Variants in PCDH15 observed in about 807,000 individuals in gnomAD.
PCDH15 encodes the protein protocadherin-15.
In PCDH15, 129 loss-of-function variants were observed where a neutral mutation model predicts 178.5. That is an observed-to-expected ratio of 0.72 (90% CI 0.63 to 0.84). PCDH15 has a LOEUF of 0.84. Among genes scored for constraint, PCDH15 ranks in the 40% least tolerant of loss-of-function variants. The pLI is 0.00. For missense variants in PCDH15, 2,230 were observed against 2,099.9 expected, an observed-to-expected ratio of 1.06 and a Z score of -1.21; for synonymous variants, 800 against 732.0, an observed-to-expected ratio of 1.09 and a Z score of -1.50.
intron 37 of PCDH15, chr10:53,808,253 TTAAAGATA>T (rs2075728951): frequency 3.9e-6 from 1 of 256,744 alleles, no homozygotes; most frequent in Non-Finnish European, 6.1e-6. Flanking sequence ...TAGACGACTG[TTAAAGATA>T]TAATTTGTTG....
At position 54,016,327 on chromosome 10, in the gene PCDH15, A is replaced by G. The variant is rs1297229950; in HGVS notation, c.2751+3865T>C. Among the ~76,000 whole-genome samples the G allele has an allele frequency of 2.6e-5, 4 of 151,930 alleles. No individual in the cohort carries two copies. In the East Asian group the frequency reaches 7.7e-4, roughly 29 times the overall value. On this transcript the variant is annotated intron_variant, in intron 20 of 37. Coordinates refer to ENST00000644397, the MANE Select transcript of PCDH15 (RefSeq NM_001384140.1). ...AACAAAGCAGTTTGGTGATTTCTCA[A>G]GGACCTCAAAGCAAAATGACCATTT...
In PCDH15 at chr10:54,240,728, T is replaced by C. The variant is rs552296668; in HGVS notation, c.877-3797A>G. Among the ~76,000 whole-genome samples, 1,209 of 139,834 alleles carry C rather than the reference T, an allele frequency of 8.6e-3. 9 individuals are homozygous for C. Among genetic ancestry groups the C allele is most frequent in the African/African-American group, 0.028 (1,051 of 37,838 alleles). The allele number at this position is 139,834 out of a possible 152,430, so 91.7% of individuals were successfully genotyped here. On this transcript the variant is annotated intron_variant, in intron 8 of 37. Transcript: ENST00000644397. The stretch of plus-strand genomic sequence containing the variant: ...CTCACTGCAAGCTCCGCCTCCCGGG[T>C]TCACGCCATTCTCCTGCCTCAGCCT...
At chr10:55,128,364 T>C (rs924099155) in intron 2 of PCDH15, among the ~76,000 whole-genome samples, 1 of 151,888 alleles carries the variant, frequency 6.6e-6, no homozygotes, top group African/African-American at 2.4e-5. Context: ...TAAAAGCCTG[T>C]TTGTTTTCTA....
At chr10:55,295,619 G>A (rs952470007) in intron 1 of PCDH15, among the ~76,000 whole-genome samples, 1 of 152,124 alleles carries the variant, frequency 6.6e-6, no homozygotes, top group Non-Finnish European at 1.5e-5. Context: ...CTCACTTTGT[G>A]GGACTAGCAG....
intron 1 of PCDH15, among the ~76,000 whole-genome samples, chr10:54,771,019 C>T (rs1949028692): frequency 6.6e-6 from 1 of 152,050 alleles, no homozygotes; most frequent in Non-Finnish European, 1.5e-5. Context: ...TTTCAAATTA[C>T]ATCTGTTCTT....
chr10:55,295,513 T>C (rs1292480216), intron 1 of PCDH15, among the ~76,000 whole-genome samples: 1 of 152,212 alleles, frequency 6.6e-6, no homozygotes, highest in Non-Finnish European at 1.5e-5. Context: ...AAACTTCCCG[T>C]GCTCTCGCCT....
At chr10:55,019,464 AT>A (rs1840270760) in intron 2 of PCDH15, among the ~76,000 whole-genome samples, 1 of 150,796 alleles carries the variant, frequency 6.6e-6, no homozygotes, top group African/African-American at 2.4e-5. Context: ...TTTTCCTTAG[AT>A]TTTTTTCAAG....
intron 1 of PCDH15, among the ~76,000 whole-genome samples, chr10:55,210,181 A>T (rs2132169231): frequency 6.6e-6 from 1 of 152,144 alleles, no homozygotes; most frequent in African/African-American, 2.4e-5. Flanking sequence ...TGTAATTACT[A>T]ATCCAATTAA....
chr10:54,859,842 A>G (rs1953809091), intron 3 of PCDH15, among the ~76,000 whole-genome samples: 1 of 151,850 alleles, frequency 6.6e-6, no homozygotes, highest in Non-Finnish European at 1.5e-5. Flanking sequence ...TCGTAGTGCT[A>G]CTTGTATATC....
chr10:54,508,017 T>C (rs2081314603), intron 3 of PCDH15, among the ~76,000 whole-genome samples: 1 of 152,010 alleles, frequency 6.6e-6, no homozygotes, highest in Admixed American at 6.6e-5. Context: ...GAACATTACT[T>C]CCTCTAACCT....
intron 2 of PCDH15, among the ~76,000 whole-genome samples, chr10:55,603,301 C>A (rs1843130376): frequency 1.3e-5 from 2 of 150,184 alleles, no homozygotes; most frequent in Non-Finnish European, 3.0e-5. Context: ...GAGAATGGAA[C>A]CAAGTTGGAA....
chr10:54,285,511 T>C (rs539313118), intron 8 of PCDH15, among the ~76,000 whole-genome samples: 3 of 152,124 alleles, frequency 2.0e-5, no homozygotes, highest in Non-Finnish European at 2.9e-5. Flanking sequence ...GAAATGCACA[T>C]AAAAACCACA....
intron 1 of PCDH15, among the ~76,000 whole-genome samples, chr10:55,264,114 G>A (rs1327602600): frequency 6.6e-6 from 1 of 152,046 alleles, no homozygotes; most frequent in Non-Finnish European, 1.5e-5. Flanking sequence ...AGTGACCCCT[G>A]CTGGCTGATA....
In PCDH15 at chr10:54,567,621, G is replaced by T. The variant is rs143644894; in HGVS notation, c.92-39744C>A. On this transcript the variant is annotated intron_variant, in intron 2 of 37. Coordinates refer to ENST00000644397, the MANE Select transcript of PCDH15 (RefSeq NM_001384140.1). ...ATGAAATAGCATAACCTTTTGAATC[G>T]AATTGAATAGTTCAAGATCTCTATG... 2.2e-3 allele frequency among the ~76,000 whole-genome samples: 341 copies of T among 152,054 alleles called. 1 individual carries two copies. The highest frequency in any genetic ancestry group is 8.0e-3 in the African/African-American group (332 of 41,494).
At chr10:55,610,456 T>G (rs1377059148) in intron 2 of PCDH15, among the ~76,000 whole-genome samples, 1 of 152,070 alleles carries the variant, frequency 6.6e-6, no homozygotes, top group Non-Finnish European at 1.5e-5. Context: ...TTTATCTCAC[T>G]TTAACTTCCA....
intron 2 of PCDH15, among the ~76,000 whole-genome samples, chr10:55,613,241 G>A (rs1843408071): frequency 6.6e-6 from 1 of 151,660 alleles, no homozygotes; most frequent in South Asian, 2.1e-4. Flanking sequence ...ATTATTCTTG[G>A]CTCAATTATC....
intron 23 of PCDH15, among the ~76,000 whole-genome samples, chr10:53,956,902 G>A (rs549216055): frequency 2.1e-4 from 32 of 152,078 alleles, no homozygotes; most frequent in Non-Finnish European, 1.8e-4. Flanking sequence ...ATGCAGAGAC[G>A]GTATGAAATG....
intron 3 of PCDH15, among the ~76,000 whole-genome samples, chr10:54,847,399 C>T (rs927235615): frequency 1.3e-5 from 2 of 151,834 alleles, no homozygotes; most frequent in African/African-American, 4.8e-5. Context: ...ATATTTTGTA[C>T]AATTATATTG....
In PCDH15 at chr10:54,939,494, C is replaced by CAAAAAAAAAAAAA. The variant is rs71014430; in HGVS notation, c.-79-42007_-79-41995dup. ...TGGGCAATAGAATGAGACTCCGTCT[C>CAAAAAAAAAAAAA]AAAAAAAAAAAAAAAAAAAAAAAAA... On this transcript the variant is annotated intron_variant, in intron 2 of 5. Coordinates refer to the PCDH15 transcript ENST00000458638. 2.0e-3 allele frequency among the ~76,000 whole-genome samples: 54 copies of CAAAAAAAAAAAAA among 26,684 alleles called. 8 individuals are homozygous for CAAAAAAAAAAAAA. Among genetic ancestry groups the CAAAAAAAAAAAAA allele is most frequent in the Non-Finnish European group, 2.5e-3 (32 of 12,572 alleles). The allele number at this position is 26,684 out of a possible 152,430, so 17.5% of individuals were successfully genotyped here. A position where few individuals can be genotyped will look rare whatever the true frequency, so the allele number is the denominator to read the frequency against.
Sources: gnomAD v4.1 joint callset for allele counts (sites outside exome capture counted in the v4.1 genomes callset) on GRCh38, gnomAD v4.1.1 for gene constraint, MANE v1.5 for transcripts, NCBI Gene and HGNC (gene_info 2026-07-23, HGNC 2026-07-21) for gene names.